MICU1: variants seen among roughly 807,000 people sequenced by gnomAD.
MICU1 encodes the protein calcium uptake protein 1, mitochondrial.
In MICU1, 45 loss-of-function variants were observed where a neutral mutation model predicts 56.8. The ratio of observed to expected loss-of-function variants is 0.79; its 90% CI spans 0.62 to 1.02. The LOEUF (loss-of-function observed/expected upper bound fraction) is 1.02, where lower values mean the gene tolerates loss of function less well. Ranked by LOEUF, MICU1 falls within the 50% of genes least tolerant of loss-of-function variation. The pLI, the probability that MICU1 is intolerant of heterozygous loss-of-function variation, is 0.00. For missense variants in MICU1, 504 were observed against 587.1 expected (o/e 0.86, Z 1.46); for synonymous variants, 186 against 195.1 (o/e 0.95, Z 0.39).
At chr10:72,514,300 T>C (rs191346302) in intron 5 of MICU1, among the ~76,000 whole-genome samples, 2 of 152,322 alleles carry the variant, frequency 1.3e-5, no homozygotes. Context: ...CTTTGAGTAG[T>C]ACATATAATG....
chr10:72,457,449 T>G (rs1402854946), intron 8 of MICU1, among the ~76,000 whole-genome samples: 2 of 151,190 alleles, frequency 1.3e-5, no homozygotes, highest in African/African-American at 4.9e-5. Context: ...TCGAACTCTA[T>G]AGACTCAAGT....
chr10:72,415,668 G>T (rs1214697085), intron 9 of MICU1, among the ~76,000 whole-genome samples: 1 of 152,050 alleles, frequency 6.6e-6, no homozygotes, highest in Non-Finnish European at 1.5e-5. Context: ...TTTTAGCCTG[G>T]GATTTACGGT....
intron 1 of MICU1, among the ~76,000 whole-genome samples, chr10:72,601,461 A>G (rs925961585): frequency 2.0e-5 from 3 of 151,128 alleles, no homozygotes. Context: ...AAAGAAAAGA[A>G]AGAATTAATG....
chr10:72,614,888 AATT>A (rs1841939824), intron 1 of MICU1, among the ~76,000 whole-genome samples: 1 of 152,244 alleles, frequency 6.6e-6, no homozygotes, highest in African/African-American at 2.4e-5. Context: ...GTACATTAAA[AATT>A]ATTAAAATGG....
At chr10:72,406,807 A>C (rs1863645046) in intron 10 of MICU1, among the ~76,000 whole-genome samples, 1 of 151,936 alleles carries the variant, frequency 6.6e-6, no homozygotes, top group Non-Finnish European at 1.5e-5. Flanking sequence ...TTGCAATTTT[A>C]GTAGAGATGG....
chr10:72,423,348 A>G lies in MICU1; in HGVS notation c.957T>C (p.Asp319=). 2 of 1,613,864 alleles carry G rather than the reference A, an allele frequency of 1.2e-6. No individual in the cohort carries two copies. Among genetic ancestry groups the G allele is most frequent in the Non-Finnish European group, 1.7e-6 (2 of 1,179,836 alleles). ...KLEFERHDPV[D]GRITERQFGG... Reference sequence around the variant, plus strand: ...CAAACTGCCTCTCAGTAATTCTCCCATCCACAGGGTCATGGCGTTCAAACT... The same window carrying G: ...CAAACTGCCTCTCAGTAATTCTCCCGTCCACAGGGTCATGGCGTTCAAACT... Residue 319 remains aspartate (D), a synonymous_variant, in exon 9 of 12, where the codon GAT becomes GAC. Coordinates refer to ENST00000361114, the MANE Select transcript of MICU1 (RefSeq NM_001195518.2).
intron 8 of MICU1, among the ~76,000 whole-genome samples, chr10:72,451,885 G>A (rs1349943983): frequency 6.6e-6 from 1 of 151,814 alleles, no homozygotes; most frequent in Non-Finnish European, 1.5e-5. Context: ...CTTTTTTTGA[G>A]ATGGAGTCTC....
chr10:72,563,221 G>A (rs762274562), intron 2 of MICU1, among the ~76,000 whole-genome samples, 158 bp from the exon 3 acceptor site: 7 of 152,140 alleles, frequency 4.6e-5, no homozygotes, highest in African/African-American at 1.7e-4. Flanking sequence ...ACTTCCACAT[G>A]ATCTCTGGTT....
At position 72,563,088 on chromosome 10, in the gene MICU1, G is replaced by C. The variant is rs144607920; in HGVS notation, c.162-25C>G. On this transcript the variant is annotated intron_variant, in intron 2 of 11. Transcript: ENST00000361114. ...CCTGGATATGCAAAAAAGAAATCTA[G>C]ATTAATCTTGAACGTCCATCATACT... is the stretch of plus-strand genomic sequence containing the variant. The C allele has an allele frequency of 2.2e-4, 318 of 1,475,312 alleles. 2 individuals are homozygous for C. In the African/African-American group the frequency reaches 3.8e-3, roughly 18 times the overall value. The allele number at this position is 1,475,312 out of a possible 1,614,324, so 91.4% of individuals were successfully genotyped here.
chr10:72,544,914 G>A (rs1564928038), intron 4 of MICU1, among the ~76,000 whole-genome samples: 1 of 152,132 alleles, frequency 6.6e-6, no homozygotes, highest in East Asian at 1.9e-4. Flanking sequence ...TTAATTTTAG[G>A]GCTTCATGTA....
chr10:72,408,026 A>C lies in MICU1; in HGVS notation c.1083T>G (p.Phe361Leu). Residue 361 changes from phenylalanine (F) to leucine (L), a missense_variant, in exon 10 of 12, where the codon TTT becomes TTG. Physicochemically the swap from Phe to Leu is conservative, Grantham distance 22. Coordinates refer to ENST00000361114, the MANE Select transcript of MICU1 (RefSeq NM_001195518.2). ...AAGTAAAGAAGTTCTCCACCTCCTG[A>C]AATGTCAGACCCTGCAAGAGGAGAG... ...KHFKEGKGLT[F>L]QEVENFFTFL... 1 of 1,613,012 alleles carries C rather than the reference A, an allele frequency of 6.2e-7. No individual in the cohort carries two copies. The highest frequency in any genetic ancestry group is 8.5e-7 in the Non-Finnish European group (1 of 1,179,136).
chr10:72,477,629 G>T, intron 6 of MICU1: 1 of 1,233,476 alleles, frequency 8.1e-7, no homozygotes, highest in Non-Finnish European at 1.1e-6. Flanking sequence ...TGTCTAGGGT[G>T]AGACATATTG....
At chr10:72,470,721 G>C (rs929481784) in intron 8 of MICU1, among the ~76,000 whole-genome samples, 6 of 152,112 alleles carry the variant, frequency 3.9e-5, no homozygotes, top group African/African-American at 1.4e-4. Flanking sequence ...GGGGGGTGAG[G>C]TGGTGTATAA....
At chr10:72,609,516 C>T (rs1031529412) in intron 1 of MICU1, among the ~76,000 whole-genome samples, 10 of 151,988 alleles carry the variant, frequency 6.6e-5, no homozygotes, top group Admixed American at 1.3e-4. Flanking sequence ...GGGCAGATCA[C>T]GAGGTCAGGA....
At chr10:72,375,052 C>T (rs918879981) in intron 11 of MICU1, among the ~76,000 whole-genome samples, 3 of 151,954 alleles carry the variant, frequency 2.0e-5, no homozygotes, top group Middle Eastern at 3.4e-3. Flanking sequence ...CTCAGGTGAT[C>T]CGCCTGCCTC....
intron 6 of MICU1, among the ~76,000 whole-genome samples, chr10:72,492,789 G>GAATAGAATAAAATAAAATAAAATAA (rs750749111): frequency 3.7e-5 from 5 of 135,224 alleles, no homozygotes; most frequent in African/African-American, 1.5e-4. Context: ...AAATAGAATA[G>GAATAGAATAAAATAAAATAAAATAA]AATAAAATAA....
chr10:72,474,285 A>AAAG (rs1564890107), intron 8 of MICU1, among the ~76,000 whole-genome samples: 23 of 136,168 alleles, frequency 1.7e-4, no homozygotes, highest in African/African-American at 4.3e-4. Context: ...AAAAAAAAAA[A>AAAG]AAGAAGAAAA....
At chr10:72,611,548 G>A (rs529613209) in intron 1 of MICU1, among the ~76,000 whole-genome samples, 1 of 151,802 alleles carries the variant, frequency 6.6e-6, no homozygotes, top group Admixed American at 6.6e-5. Context: ...TTGAACCCGG[G>A]CGGCAGAGAT....
In MICU1 at chr10:72,468,151, A is replaced by C. The variant is rs371914256; in HGVS notation, c.933+6949T>G. ...TGCCGGGCCAAAATGTAACAATTTT[A>C]TTGGTTATTTGCTAAGCACGTGAAT... On this transcript the variant is annotated intron_variant, in intron 8 of 11. Transcript: ENST00000361114. Among the ~76,000 whole-genome samples the C allele has an allele frequency of 3.3e-5, 5 of 152,228 alleles. 1 individual carries two copies. Among genetic ancestry groups the C allele is most frequent in the African/African-American group, 1.2e-4 (5 of 41,544 alleles).
Sources: allele counts gnomAD v4.1 joint callset (sites outside exome capture counted in the v4.1 genomes callset), GRCh38; gene constraint gnomAD v4.1.1; transcripts MANE v1.5; gene names NCBI Gene and HGNC (gene_info 2026-07-23, HGNC 2026-07-21).